The following BRD3 variants were observed in gnomAD, a reference collection of about 807,000 sequenced individuals.
The protein encoded by BRD3 is bromodomain containing 3, also known as bromodomain-containing protein 3.
Under a neutral mutation model 66.8 loss-of-function variants are expected in BRD3, and 17 were observed. That is an observed-to-expected ratio of 0.25 (90% CI 0.17 to 0.38). BRD3 has a LOEUF of 0.38. Among genes scored for constraint, BRD3 ranks in the 10% least tolerant of loss-of-function variants. The pLI is 1.00. For synonymous variants in BRD3, 421 were observed against 393.2 expected, an observed-to-expected ratio of 1.07 and a Z score of -0.84; for missense variants, 713 against 956.1, an observed-to-expected ratio of 0.75 and a Z score of 3.35.
intron 1 of BRD3, among the ~76,000 whole-genome samples, chr9:134,064,258 T>A (rs1830600682): frequency 1.3e-5 from 2 of 152,214 alleles, no homozygotes; most frequent in South Asian, 4.1e-4. Flanking sequence ...TCAGGCATGG[T>A]GGCTCACACC....
intron 11 of BRD3, among the ~76,000 whole-genome samples, chr9:134,034,077 G>A (rs553157433): frequency 1.3e-4 from 20 of 152,250 alleles, no homozygotes; most frequent in Admixed American, 1.1e-3. Context: ...CCCCTTCAGC[G>A]GGCAGGGTCA....
At chr9:134,052,509 T>G in intron 2 of BRD3, 66 bp from the exon 3 acceptor site, 1 of 1,541,406 alleles carries the variant, frequency 6.5e-7, no homozygotes, top group Non-Finnish European at 8.8e-7. Flanking sequence ...AATTCCCAAG[T>G]GGACACAGCC....
Position 134,033,750 on chromosome 9 carries a change from T to C in BRD3, c.2066-45A>G, listed in dbSNP as rs1284721285. ...GAGATGCGCTCGCACACCCGCTTCT[T>C]GACCCGCTTGGCGGCATGTCGTCCA... On this transcript the variant is annotated intron_variant, in intron 11 of 11. Coordinates refer to ENST00000303407, the MANE Select transcript of BRD3 (RefSeq NM_007371.4). This position sits in a 1 kb window ranked among gnomAD's most constrained non-coding sequence, Gnocchi z 5.1. 1.5e-6 allele frequency: 1 copy of C among 685,972 alleles called. No homozygotes were observed. The highest frequency in any genetic ancestry group is 2.7e-6 in the Non-Finnish European group (1 of 372,828). The allele number at this position is 685,972 out of a possible 1,614,324, so 42.5% of individuals were successfully genotyped here. A position where few individuals can be genotyped will look rare whatever the true frequency, so the allele number is the denominator to read the frequency against.
intron 9 of BRD3, among the ~76,000 whole-genome samples, chr9:134,037,428 AG>A (rs910741492): frequency 7.2e-5 from 11 of 151,936 alleles, no homozygotes; most frequent in Non-Finnish European, 1.3e-4. Flanking sequence ...AAAATGAGCC[AG>A]GCACGGTGGC....
rs970724090 is a variant in BRD3 at position 134,031,925 on chromosome 9, G to T, written c.*1665C>A. The stretch of plus-strand genomic sequence containing the variant: ...TTCCGGACTAACTGTGACAACGCGT[G>T]AGCAGGGAGCACCGTGCGAGTCTCC... On this transcript the variant is annotated 3_prime_UTR_variant, in exon 12 of 12. Coordinates refer to ENST00000303407, the MANE Select transcript of BRD3 (RefSeq NM_007371.4). 4.6e-6 allele frequency: 1 copy of T among 218,780 alleles called. No homozygotes were observed. Among genetic ancestry groups the T allele is most frequent in the Non-Finnish European group, 9.2e-6 (1 of 108,834 alleles). 13.6% of individuals were successfully genotyped at this position (218,780 alleles called of 1,614,324 possible). A position where few individuals can be genotyped will look rare whatever the true frequency, so the allele number is the denominator to read the frequency against.
chr9:134,062,311 G>A lies in BRD3; in HGVS notation c.-114+5634C>T, dbSNP rs999478794. 3.3e-5 allele frequency among the ~76,000 whole-genome samples: 5 copies of A among 152,188 alleles called. 1 individual carries two copies. In the South Asian group the frequency reaches 8.3e-4, roughly 25 times the overall value. ...TACAGGCCCAGCCCTGTCCCGGGGC[G>A]CTTCAGCAGACTGGTGGGGCTATCC... is the stretch of plus-strand genomic sequence containing the variant. On this transcript the variant is annotated intron_variant, in intron 1 of 11. Coordinates refer to ENST00000303407, the MANE Select transcript of BRD3 (RefSeq NM_007371.4).
At position 134,047,826 on chromosome 9, in the gene BRD3, A is replaced by G. The variant is rs572324640; in HGVS notation, c.1086+257T>C. 3.3e-5 allele frequency among the ~76,000 whole-genome samples: 5 copies of G among 152,370 alleles called. No homozygotes were observed. The South Asian group carries it at 8.3e-4, about 25-fold the overall frequency. ...AGAATGGGAGGTAGGAATGAAATCA[A>G]TGAAATCACTAAACGGGTTCGATGG... On this transcript the variant is annotated intron_variant, in intron 6 of 11. Coordinates refer to ENST00000303407, the MANE Select transcript of BRD3 (RefSeq NM_007371.4).
At chr9:134,064,787 AG>A (rs1830612297) in intron 1 of BRD3, among the ~76,000 whole-genome samples, 1 of 152,226 alleles carries the variant, frequency 6.6e-6, no homozygotes, top group Non-Finnish European at 1.5e-5. Context: ...GCCCGGGCAC[AG>A]GGGCCCATGA....
Position 134,032,880 on chromosome 9 carries a change from TTA to T in BRD3, c.*708_*709del. ...TAAATCTTTTCTTCTTTTTTTTTTTTTAAAGTTGAGGTAAAAGCTTCAGTGTA... is the reference window on the plus strand; with the variant it reads ...TAAATCTTTTCTTCTTTTTTTTTTTTAAGTTGAGGTAAAAGCTTCAGTGTA... On this transcript the variant is annotated 3_prime_UTR_variant, in exon 12 of 12. Coordinates refer to ENST00000303407, the MANE Select transcript of BRD3 (RefSeq NM_007371.4). 2 of 325,120 alleles carry T rather than the reference TTA, an allele frequency of 6.2e-6. No individual in the cohort carries two copies. Among genetic ancestry groups the T allele is most frequent in the East Asian group, 9.0e-5 (2 of 22,278 alleles). The allele number at this position is 325,120 out of a possible 1,614,324, so 20.1% of individuals were successfully genotyped here.
In BRD3 at chr9:134,039,720, T is replaced by C. The variant is rs146020688; in HGVS notation, c.1643+314A>G. On this transcript the variant is annotated intron_variant, in intron 9 of 11. Coordinates refer to ENST00000303407, the MANE Select transcript of BRD3 (RefSeq NM_007371.4). ...CTATGGGCAAGTCCAAAACGGGGCGTTCAACTCCCCCTAGTCAAGATCCTT... is the reference window on the plus strand; with the variant it reads ...CTATGGGCAAGTCCAAAACGGGGCGCTCAACTCCCCCTAGTCAAGATCCTT... 5.7e-3 allele frequency among the ~76,000 whole-genome samples: 866 copies of C among 152,236 alleles called. 7 individuals are homozygous for C. Among genetic ancestry groups the C allele is most frequent in the African/African-American group, 0.02 (821 of 41,540 alleles).
At position 134,030,893 on chromosome 9, in the gene BRD3, TC is replaced by T; in HGVS notation, c.*2696del. ...GACACACGACTTGTCACTACTCCTC[TC>T]CCCTTGAAAAAAGCATGTTAGAAGC... On this transcript the variant is annotated 3_prime_UTR_variant, in exon 12 of 12. Coordinates refer to ENST00000303407, the MANE Select transcript of BRD3 (RefSeq NM_007371.4). The T allele has an allele frequency of 4.3e-6, 1 of 231,794 alleles. No homozygotes were observed. Among genetic ancestry groups the T allele is most frequent in the African/African-American group, 2.2e-5 (1 of 45,336 alleles). 14.4% of individuals were successfully genotyped at this position (231,794 alleles called of 1,614,324 possible). A position where few individuals can be genotyped will look rare whatever the true frequency, so the allele number is the denominator to read the frequency against.
chr9:134,046,460 G>A (rs1053499733), intron 6 of BRD3, among the ~76,000 whole-genome samples: 3 of 152,148 alleles, frequency 2.0e-5, no homozygotes, highest in African/African-American at 2.4e-5. Context: ...TGGAGGGGCC[G>A]GGTCCTAACC....
At chr9:134,056,351 C>T (rs1830425651) in intron 1 of BRD3, among the ~76,000 whole-genome samples, 2 of 152,206 alleles carry the variant, frequency 1.3e-5, no homozygotes, top group South Asian at 2.1e-4. Context: ...TATAAAAAGC[C>T]CCTGGCACAC....
chr9:134,068,298 C>G (rs1263600410), upstream of BRD3: 3 of 148,960 alleles, frequency 2.0e-5, no homozygotes, highest in African/African-American at 7.3e-5. Context: ...TGGGCCGTTC[C>G]CCGCCCGGGC....
In BRD3 at chr9:134,063,652, T is replaced by A. The variant is rs192364561; in HGVS notation, c.-114+4293A>T. Among the ~76,000 whole-genome samples, 1,262 of 152,146 alleles carry A rather than the reference T, an allele frequency of 8.3e-3. 8 individuals are homozygous for A. Among genetic ancestry groups the A allele is most frequent in the Non-Finnish European group, 0.013 (904 of 67,998 alleles). ...AGTGCTCACACGGAGGCTAAGGCCG[T>A]CCCGCCCCAGAGTCCCACAGCTCCC... is the stretch of plus-strand genomic sequence containing the variant. On this transcript the variant is annotated intron_variant, in intron 1 of 11. Transcript: ENST00000303407.
At chr9:134,044,132 C>T (rs1830117334) in intron 7 of BRD3, among the ~76,000 whole-genome samples, 1 of 152,202 alleles carries the variant, frequency 6.6e-6, no homozygotes, top group Non-Finnish European at 1.5e-5. Flanking sequence ...GTTCAAGACA[C>T]AGTAAGCGAG....
Position 134,051,887 on chromosome 9 carries a change from T to A in BRD3, c.352-178A>T, listed in dbSNP as rs1027415854. On this transcript the variant is annotated intron_variant, in intron 3 of 11. Coordinates refer to ENST00000303407, the MANE Select transcript of BRD3 (RefSeq NM_007371.4). ...TGTGTGTGTGTGTGTGTTGTTTTTT[T>A]TGTTTTTTTTTTTTTTTTTTTGAGA... is the stretch of plus-strand genomic sequence containing the variant. Among the ~76,000 whole-genome samples, 344 of 56,046 alleles carry A rather than the reference T, an allele frequency of 6.1e-3. 8 individuals are homozygous for A. The highest frequency in any genetic ancestry group is 0.029 in the African/African-American group (328 of 11,462). 36.8% of individuals were successfully genotyped at this position (56,046 alleles called of 152,430 possible).
chr9:134,048,078 C>A lies in BRD3; in HGVS notation c.1086+5G>T. 1 of 1,557,330 alleles carries A rather than the reference C, an allele frequency of 6.4e-7. No homozygotes were observed. Among genetic ancestry groups the A allele is most frequent in the Non-Finnish European group, 8.7e-7 (1 of 1,149,522 alleles). ...CAGAGCAGGGCCTGCCGCGCGGCCA[C>A]GTACTTTCACGGTGCTGAGGTCCAT... On this transcript the variant is annotated splice_donor_5th_base_variant and intron_variant, in intron 6 of 11. Coordinates refer to ENST00000303407, the MANE Select transcript of BRD3 (RefSeq NM_007371.4).
intron 1 of BRD3, among the ~76,000 whole-genome samples, chr9:134,059,869 C>T (rs1830501214): frequency 6.6e-6 from 1 of 152,200 alleles, no homozygotes; most frequent in Non-Finnish European, 1.5e-5. Flanking sequence ...GCAGCAGCAG[C>T]AGCCTTGTCC....
Sources: gnomAD v4.1 joint callset for allele counts (sites outside exome capture counted in the v4.1 genomes callset) on GRCh38, gnomAD v4.1.1 for gene constraint, Gnocchi (gnomAD v3.1) non-coding constraint, MANE v1.5 for transcripts, NCBI Gene and HGNC (gene_info 2026-07-23, HGNC 2026-07-21) for gene names.